TCERG1L: variants seen among roughly 807,000 people sequenced by gnomAD.
The protein encoded by TCERG1L is transcription elongation regulator 1 like, also known as transcription elongation regulator 1-like protein.
A neutral mutation model predicts 56.3 loss-of-function variants in TCERG1L; 37 were observed. The observed-to-expected ratio is 0.66, with a 90% CI of 0.51 to 0.87. The LOEUF is 0.87. Among genes scored for constraint, TCERG1L ranks in the 40% least tolerant of loss-of-function variants. The probability of loss-of-function intolerance (pLI) is 0.00; values close to 1 mark genes in which losing one functional copy is unlikely to be tolerated. For synonymous variants in TCERG1L, 324 were observed against 326.3 expected (o/e 0.99, Z 0.08); for missense variants, 799 against 774.2 (o/e 1.03, Z -0.38).
chr10:131,110,799 A>ACGTTC (rs1274656993), intron 9 of TCERG1L, among the ~76,000 whole-genome samples: 1 of 144,340 alleles, frequency 6.9e-6, no homozygotes. Flanking sequence ...AAGGGGGTTC[A>ACGTTC]ATTCAAGTAA....
intron 7 of TCERG1L, among the ~76,000 whole-genome samples, chr10:131,145,337 T>C (rs563381346): frequency 6.6e-6 from 1 of 152,234 alleles, no homozygotes; most frequent in Admixed American, 6.5e-5. Context: ...GAATGTGACC[T>C]GATCAAAGGA....
At position 131,309,299 on chromosome 10, in the gene TCERG1L, A is replaced by G; in HGVS notation, c.343T>C (p.Trp115Arg). The G allele has an allele frequency of 6.3e-7, 1 of 1,589,274 alleles. No individual in the cohort carries two copies. Among genetic ancestry groups the G allele is most frequent in the South Asian group, 1.1e-5 (1 of 87,466 alleles). The change falls in exon 2 of 12, where the codon TGG (tryptophan) becomes CGG (arginine). Residue 115 changes from tryptophan (W) to arginine (R), a missense_variant and splice_region_variant. By Grantham distance (101) the Trp-to-Arg change is moderately radical (BLOSUM62 -3). Coordinates refer to ENST00000368642, the MANE Select transcript of TCERG1L (RefSeq NM_174937.4). ...GACGGAGAATGGCCACCAAACAGCC[A>G]CTGCAAGCCAAGCAAGAAAAGACAG... Reference protein sequence around the residue: ...AHPFPALHGQWLFGGHSPSLG... With the variant: ...AHPFPALHGQRLFGGHSPSLG...
intron 4 of TCERG1L, among the ~76,000 whole-genome samples, chr10:131,195,996 G>A (rs1434725259): frequency 6.6e-6 from 1 of 152,216 alleles, no homozygotes; most frequent in Non-Finnish European, 1.5e-5. Flanking sequence ...TGGACACGCA[G>A]AAAATCTGTG....
intron 4 of TCERG1L, among the ~76,000 whole-genome samples, chr10:131,204,696 G>A (rs561540261): frequency 2.1e-3 from 321 of 152,328 alleles, no homozygotes; most frequent in Non-Finnish European, 2.8e-3. Flanking sequence ...ATGAGCCTGC[G>A]GGTAAGGGAA....
At chr10:131,167,382 C>T (rs988349042) in intron 4 of TCERG1L, among the ~76,000 whole-genome samples, 1 of 152,178 alleles carries the variant, frequency 6.6e-6, no homozygotes, top group African/African-American at 2.4e-5. Context: ...GGGCTGCTCT[C>T]TCGCATTGTG....
intron 6 of TCERG1L, among the ~76,000 whole-genome samples, chr10:131,151,400 C>CT (rs113580819): frequency 0.3 from 44,909 of 151,944 alleles, 6,839 homozygotes; most frequent in East Asian, 0.33. Context: ...CTATAGGCCC[C>CT]ATGCAAGTCC....
At chr10:131,236,496 G>A (rs1231304791) in intron 4 of TCERG1L, among the ~76,000 whole-genome samples, 6 of 152,176 alleles carry the variant, frequency 3.9e-5, no homozygotes, top group African/African-American at 9.6e-5. Flanking sequence ...TGTGGCTACC[G>A]CTGCTCACAG....
chr10:131,263,832 T>G (rs540780149), intron 3 of TCERG1L, among the ~76,000 whole-genome samples: 3 of 152,244 alleles, frequency 2.0e-5, no homozygotes, highest in African/African-American at 7.2e-5. Context: ...TCTGTTTGCA[T>G]GCTGCCTCTC....
chr10:131,155,405 C>T (rs911322626), intron 6 of TCERG1L, among the ~76,000 whole-genome samples: 1 of 152,244 alleles, frequency 6.6e-6, no homozygotes, highest in Non-Finnish European at 1.5e-5. Flanking sequence ...AGCCTTGCAG[C>T]ACAGACACAA....
intron 4 of TCERG1L, among the ~76,000 whole-genome samples, chr10:131,254,224 G>T (rs1846145088): frequency 6.6e-6 from 1 of 151,650 alleles, no homozygotes. Context: ...GTGCAGGTGG[G>T]TCACACAGAC....
chr10:131,253,137 G>T (rs548138306), intron 4 of TCERG1L, among the ~76,000 whole-genome samples: 42 of 152,338 alleles, frequency 2.8e-4, no homozygotes, highest in African/African-American at 1.0e-3. Context: ...GGACCCAGCT[G>T]AAGTTAGCCA....
At chr10:131,272,284 A>C (rs1846348061) in intron 3 of TCERG1L, among the ~76,000 whole-genome samples, 1 of 152,180 alleles carries the variant, frequency 6.6e-6, no homozygotes, top group Admixed American at 6.5e-5. Context: ...TATCTGACTG[A>C]GGCGCCCTGC....
chr10:131,257,365 A>G (rs1454823574), intron 4 of TCERG1L, among the ~76,000 whole-genome samples: 2 of 152,222 alleles, frequency 1.3e-5, no homozygotes, highest in South Asian at 4.1e-4. Flanking sequence ...AGCCCGGTTC[A>G]CGGCTGAATC....
At chr10:131,135,049 T>C (rs1845660192) in intron 7 of TCERG1L, among the ~76,000 whole-genome samples, 1 of 152,232 alleles carries the variant, frequency 6.6e-6, no homozygotes, top group Non-Finnish European at 1.5e-5. Context: ...TGATGAACTT[T>C]TGGAATGAAA....
chr10:131,121,233 A>G (rs1845509257), intron 8 of TCERG1L, among the ~76,000 whole-genome samples: 1 of 152,194 alleles, frequency 6.6e-6, no homozygotes, highest in African/African-American at 2.4e-5. Flanking sequence ...AAGTGCTGAC[A>G]TGTGACTGAG....
In TCERG1L at chr10:131,311,558, G is replaced by C; in HGVS notation, c.78C>G (p.Leu26=). 8.6e-7 allele frequency: 1 copy of C among 1,167,428 alleles called. No individual in the cohort carries two copies. Among genetic ancestry groups the C allele is most frequent in the Non-Finnish European group, 1.1e-6 (1 of 946,954 alleles). 72.3% of individuals were successfully genotyped at this position (1,167,428 alleles called of 1,614,324 possible). Residue 26 remains leucine, a synonymous_variant, in exon 1 of 12, where the codon CTC becomes CTG. Transcript: ENST00000368642. The surrounding 1 kb of genome is among the most constrained non-coding windows in gnomAD (Gnocchi z 4.0). Reference sequence around the variant, plus strand: ...GCGGCGGCTCTGCGTCCATCGGCCAGAGGAGAGGCTGCCGCCGCCGGGGCT... The same window carrying C: ...GCGGCGGCTCTGCGTCCATCGGCCACAGGAGAGGCTGCCGCCGCCGGGGCT... ...QQQPRRRQPL[L]WPMDAEPPPP...
chr10:131,267,365 G>A lies in TCERG1L; in HGVS notation c.671-6921C>T, dbSNP rs1352245981. Among the ~76,000 whole-genome samples, 5 of 152,300 alleles carry A rather than the reference G, an allele frequency of 3.3e-5. No homozygotes were observed. Among genetic ancestry groups the A allele is most frequent in the African/African-American group, 1.2e-4 (5 of 41,580 alleles). On this transcript the variant is annotated intron_variant, in intron 3 of 11. Coordinates refer to ENST00000368642, the MANE Select transcript of TCERG1L (RefSeq NM_174937.4). This position sits in a 1 kb window ranked among gnomAD's most constrained non-coding sequence, Gnocchi z 4.9. The stretch of plus-strand genomic sequence containing the variant: ...AGCAGGGAGAGGCCAGGCAGCAGGA[G>A]CAGATACCCCCAAGCCTAAGCCCTG...
At chr10:131,107,399 G>A (rs1845363465) in intron 9 of TCERG1L, among the ~76,000 whole-genome samples, 1 of 152,138 alleles carries the variant, frequency 6.6e-6, no homozygotes, top group Non-Finnish European at 1.5e-5. Context: ...TCTATAGAAG[G>A]TCAGATAAGC....
At chr10:131,105,930 C>T (rs572184070) in intron 9 of TCERG1L, among the ~76,000 whole-genome samples, 19 of 152,274 alleles carry the variant, frequency 1.2e-4, no homozygotes, top group African/African-American at 4.3e-4. Flanking sequence ...CATCACTTGG[C>T]TTTTTGGGCA....
Sources: gnomAD v4.1 joint callset for allele counts (sites outside exome capture counted in the v4.1 genomes callset) on GRCh38, gnomAD v4.1.1 for gene constraint, Gnocchi (gnomAD v3.1) non-coding constraint, MANE v1.5 for transcripts, NCBI Gene and HGNC (gene_info 2026-07-23, HGNC 2026-07-21) for gene names.